Variants in NCKAP5 observed in about 807,000 individuals in gnomAD.
NCKAP5 encodes nck-associated protein 5.
In NCKAP5, 92 loss-of-function variants were observed where a neutral mutation model predicts 167.0. That is an observed-to-expected ratio of 0.55 (90% CI 0.47 to 0.66). The LOEUF (loss-of-function observed/expected upper bound fraction) is 0.66, where lower values mean the gene tolerates loss of function less well. Ranked by LOEUF, NCKAP5 falls within the 30% of genes least tolerant of loss-of-function variation. The pLI, the probability that NCKAP5 is intolerant of heterozygous loss-of-function variation, is 0.00. For synonymous variants in NCKAP5, 891 were observed against 877.4 expected (o/e 1.02, Z -0.27); for missense variants, 2,378 against 2,315.0 (o/e 1.03, Z -0.56).
intron 11 of NCKAP5, among the ~76,000 whole-genome samples, chr2:132,797,293 A>T (rs541414889): frequency 6.6e-6 from 1 of 152,236 alleles, no homozygotes; most frequent in East Asian, 1.9e-4. Context: ...GACTCTGAGG[A>T]TTTTGTACAT....
intron 8 of NCKAP5, among the ~76,000 whole-genome samples, chr2:132,926,485 A>G (rs976528696): frequency 1.3e-5 from 2 of 152,152 alleles, no homozygotes; most frequent in Non-Finnish European, 2.9e-5. Context: ...CTACTTTCCC[A>G]CAAATAGTAT....
intron 8 of NCKAP5, among the ~76,000 whole-genome samples, chr2:132,906,864 A>C (rs4953862): frequency 0.13 from 19,166 of 152,216 alleles, 2,166 homozygotes; most frequent in Admixed American, 0.26. Flanking sequence ...TTGGGGGTCA[A>C]AACAGCAATT....
At chr2:133,642,198 G>A in the NCKAP5 span, among the ~76,000 whole-genome samples, 1 of 152,070 alleles carries the variant, frequency 6.6e-6, no homozygotes, top group Admixed American at 6.5e-5. Context: ...ATTCCCACAA[G>A]AGCTGAAACT....
chr2:133,310,134 T>G (rs1040264386), intron 3 of NCKAP5, among the ~76,000 whole-genome samples: 3 of 152,150 alleles, frequency 2.0e-5, no homozygotes, highest in East Asian at 1.9e-4. Flanking sequence ...ACCTGCATGG[T>G]GAATGCAAAA....
chr2:133,457,805 G>C (rs1691951970), intron 3 of NCKAP5, among the ~76,000 whole-genome samples: 1 of 152,090 alleles, frequency 6.6e-6, no homozygotes, highest in African/African-American at 2.4e-5. Flanking sequence ...CTTTTTTCTA[G>C]TTTTTTCATG....
At chr2:133,374,003 C>T (rs1326165911) in intron 3 of NCKAP5, among the ~76,000 whole-genome samples, 2 of 152,182 alleles carry the variant, frequency 1.3e-5, no homozygotes, top group Non-Finnish European at 2.9e-5. Flanking sequence ...CAATCACATG[C>T]CTGGGTATTT....
intron 3 of NCKAP5, chr2:133,381,360 T>A (rs1045006718): frequency 2.0e-5 from 3 of 152,186 alleles, no homozygotes; most frequent in Non-Finnish European, 4.4e-5. Flanking sequence ...ACGTCCCTAT[T>A]TGAAAACTGC....
At chr2:132,725,515 T>C (rs1181859481) in intron 19 of NCKAP5, 112 bp downstream of exon 19, 2 of 1,300,362 alleles carry the variant, frequency 1.5e-6, no homozygotes, top group African/African-American at 3.0e-5. Context: ...AGGAGAGACA[T>C]GAAGAAAAAA....
the NCKAP5 span, among the ~76,000 whole-genome samples, chr2:133,629,121 G>T: frequency 6.6e-6 from 1 of 152,066 alleles, no homozygotes; most frequent in Non-Finnish European, 1.5e-5. Flanking sequence ...TGCAACAGAA[G>T]CAAAAATTGA....
chr2:133,416,034 T>G (rs1037959151), intron 3 of NCKAP5, among the ~76,000 whole-genome samples: 1 of 152,238 alleles, frequency 6.6e-6, no homozygotes, highest in Non-Finnish European at 1.5e-5. Flanking sequence ...GATGTTCATT[T>G]AGTGATGTTT....
chr2:132,793,724 G>T (rs1429348496), intron 12 of NCKAP5, among the ~76,000 whole-genome samples: 2 of 152,212 alleles, frequency 1.3e-5, no homozygotes, highest in East Asian at 3.9e-4. Context: ...AGGCACGTAA[G>T]TTAAGGAGAG....
At chr2:133,583,759 T>C in the NCKAP5 span, among the ~76,000 whole-genome samples, 1 of 152,144 alleles carries the variant, frequency 6.6e-6, no homozygotes, top group East Asian at 1.9e-4. Context: ...AAACCTTTTT[T>C]TTTTCTTGTT....
chr2:133,485,674 G>C (rs751289895), intron 3 of NCKAP5, among the ~76,000 whole-genome samples: 15 of 152,082 alleles, frequency 9.9e-5, no homozygotes, highest in Non-Finnish European at 1.5e-4. Context: ...CTTCACCCAA[G>C]TGTGTGTTGG....
At chr2:133,020,804 A>C (rs1392591389) in intron 6 of NCKAP5, among the ~76,000 whole-genome samples, 1 of 152,190 alleles carries the variant, frequency 6.6e-6, no homozygotes, top group Admixed American at 6.5e-5. Flanking sequence ...TCACAACACA[A>C]GGTAAAATCT....
rs147701862 is a variant in NCKAP5 at position 133,083,918 on chromosome 2, A to G, written c.341+46060T>C. On this transcript the variant is annotated intron_variant, in intron 6 of 19. Coordinates refer to ENST00000409261, the MANE Select transcript of NCKAP5 (RefSeq NM_207363.3). The stretch of plus-strand genomic sequence containing the variant: ...AGGCAGAAGAACTTTGTTTCTGACT[A>G]TCAGAGATATATAAAAGAACAACTC... Among the ~76,000 whole-genome samples, 6 of 152,316 alleles carry G rather than the reference A, an allele frequency of 3.9e-5. No individual in the cohort carries two copies. In the East Asian group the frequency reaches 1.2e-3, roughly 29 times the overall value.
At chr2:133,668,402 G>A in the NCKAP5 span, among the ~76,000 whole-genome samples, 1,048 of 152,062 alleles carry the variant, frequency 6.9e-3, 7 homozygotes, top group South Asian at 0.012. Flanking sequence ...TTACATTCCC[G>A]CCAGCAATAT....
At chr2:133,669,936 A>C in the NCKAP5 span, among the ~76,000 whole-genome samples, 3 of 152,220 alleles carry the variant, frequency 2.0e-5, no homozygotes, top group Admixed American at 1.3e-4. Flanking sequence ...AGATGAACAG[A>C]CTGCACACAA....
At chr2:133,285,241 A>G (rs967581577) in intron 4 of NCKAP5, among the ~76,000 whole-genome samples, 5 of 152,242 alleles carry the variant, frequency 3.3e-5, no homozygotes, top group African/African-American at 1.2e-4. Context: ...AATGTCTAGC[A>G]AGCATTTGAC....
intron 3 of NCKAP5, among the ~76,000 whole-genome samples, chr2:133,425,671 GAAGA>G (rs1689747502): frequency 6.6e-6 from 1 of 152,152 alleles, no homozygotes; most frequent in South Asian, 2.1e-4. Context: ...TCCTAAAACA[GAAGA>G]TGCATATTAT....
Sources: gnomAD v4.1 joint callset for allele counts (sites outside exome capture counted in the v4.1 genomes callset) on GRCh38, gnomAD v4.1.1 for gene constraint, MANE v1.5 for transcripts, NCBI Gene and HGNC (gene_info 2026-07-23, HGNC 2026-07-21) for gene names.